Variants in LDLRAD4 observed in about 807,000 individuals in gnomAD.
The protein encoded by LDLRAD4 is low density lipoprotein receptor class A domain containing 4, also known as low-density lipoprotein receptor class A domain-containing protein 4.
Under a neutral mutation model 17.0 loss-of-function variants are expected in LDLRAD4, and 5 were observed. The observed-to-expected ratio is 0.29, with a 90% confidence interval of 0.15 to 0.62. The LOEUF (loss-of-function observed/expected upper bound fraction) is 0.62, where lower values mean the gene tolerates loss of function less well. LDLRAD4 is among the 20% of genes least tolerant of loss of function. The pLI, the probability that LDLRAD4 is intolerant of heterozygous loss-of-function variation, is 0.84. For synonymous variants in LDLRAD4, 168 were observed against 171.8 expected, an observed-to-expected ratio of 0.98 and a Z score of 0.17; for missense variants, 340 against 424.7, an observed-to-expected ratio of 0.80 and a Z score of 1.75.
At chr18:13,548,549 G>T (rs10468691) in intron 3 of LDLRAD4, among the ~76,000 whole-genome samples, 76,364 of 152,170 alleles carry the variant, frequency 0.5, 19,350 homozygotes, top group Non-Finnish European at 0.55. Flanking sequence ...CCTGGGCTCA[G>T]CCACAAGTTT....
chr18:13,276,828 T>G (rs1397231597), upstream of LDLRAD4, among the ~76,000 whole-genome samples: 2 of 152,202 alleles, frequency 1.3e-5, no homozygotes, highest in Non-Finnish European at 2.9e-5. Flanking sequence ...GGGAGGGAGT[T>G]GTACAGGGTG....
chr18:13,622,213 T>A lies in LDLRAD4; in HGVS notation c.336+942T>A. Reference sequence around the variant, plus strand: ...GGTGCAGCTGTCCAGGTGGGTTTCCTGGGGTGGCCGCTGGCCCTGGGACCC... The same window carrying A: ...GGTGCAGCTGTCCAGGTGGGTTTCCAGGGGTGGCCGCTGGCCCTGGGACCC... On this transcript the variant is annotated intron_variant, in intron 4 of 5. Coordinates refer to ENST00000359446, the Ensembl canonical transcript of LDLRAD4. This position sits in a 1 kb window ranked among gnomAD's most constrained non-coding sequence, Gnocchi z 5.3. Among the ~76,000 whole-genome samples the A allele has an allele frequency of 6.6e-6, 1 of 152,068 alleles. No homozygotes were observed. The highest frequency in any genetic ancestry group is 1.9e-4 in the East Asian group (1 of 5,164).
At chr18:13,428,573 T>G (rs1239808956) in intron 2 of LDLRAD4, among the ~76,000 whole-genome samples, 1 of 152,128 alleles carries the variant, frequency 6.6e-6, no homozygotes, top group Non-Finnish European at 1.5e-5. Flanking sequence ...GACTGCTCTC[T>G]TATGAGTAAA....
chr18:13,579,996 T>C (rs1364038713), intron 3 of LDLRAD4, among the ~76,000 whole-genome samples: 5 of 152,162 alleles, frequency 3.3e-5, no homozygotes, highest in Non-Finnish European at 5.9e-5. Context: ...CTTCCTTCCT[T>C]CCTCTAGTTC....
At chr18:13,354,821 A>G (rs1179621108) in intron 1 of LDLRAD4, among the ~76,000 whole-genome samples, 1 of 152,172 alleles carries the variant, frequency 6.6e-6, no homozygotes, top group African/African-American at 2.4e-5. Flanking sequence ...GTGCTGTTAG[A>G]TGAAGATAGA....
At chr18:13,450,000 A>G (rs921090062) in intron 3 of LDLRAD4, among the ~76,000 whole-genome samples, 1 of 152,180 alleles carries the variant, frequency 6.6e-6, no homozygotes, top group African/African-American at 2.4e-5. Context: ...TTTTTGTGGA[A>G]GGACAGCCAA....
chr18:13,306,301 T>C (rs2046909935), intron 1 of LDLRAD4, among the ~76,000 whole-genome samples: 1 of 152,226 alleles, frequency 6.6e-6, no homozygotes, highest in South Asian at 2.1e-4. Flanking sequence ...AGTCTTTTGA[T>C]TGTAGAACAA....
At chr18:13,574,609 C>A (rs1601489984) in intron 3 of LDLRAD4, among the ~76,000 whole-genome samples, 1 of 152,190 alleles carries the variant, frequency 6.6e-6, no homozygotes, top group South Asian at 2.1e-4. Flanking sequence ...TGCCTGAGAG[C>A]CCCCGGCTTT....
chr18:13,295,827 A>G (rs913657950), intron 1 of LDLRAD4, among the ~76,000 whole-genome samples: 1 of 152,348 alleles, frequency 6.6e-6, no homozygotes, highest in Middle Eastern at 3.4e-3. Flanking sequence ...TGTGCTTTTA[A>G]TGTTTGTACA....
intron 3 of LDLRAD4, among the ~76,000 whole-genome samples, chr18:13,492,531 C>G (rs1266349237): frequency 6.6e-6 from 1 of 152,186 alleles, no homozygotes; most frequent in African/African-American, 2.4e-5. Context: ...ACCTTCTTCT[C>G]CAGCCCCGTA....
At chr18:13,233,435 G>A (rs1308252117) in intron 1 of LDLRAD4, among the ~76,000 whole-genome samples, 1 of 152,132 alleles carries the variant, frequency 6.6e-6, no homozygotes, top group Non-Finnish European at 1.5e-5. Flanking sequence ...AAGGAAGCCG[G>A]CACCCTCTTA....
chr18:13,324,428 C>T (rs936781715), intron 1 of LDLRAD4, among the ~76,000 whole-genome samples: 2 of 152,140 alleles, frequency 1.3e-5, no homozygotes, highest in East Asian at 1.9e-4. Flanking sequence ...AGGCATGAGC[C>T]ACCGCGCCTG....
At chr18:13,647,760 T>G (rs937606081) in exon 6 of LDLRAD4, 7 of 152,312 alleles carry the variant, frequency 4.6e-5, no homozygotes, top group African/African-American at 1.7e-4. Flanking sequence ...TGTCAGCTCA[T>G]GCTTACAACC....
chr18:13,223,454 A>C (rs1251748317), intron 1 of LDLRAD4, among the ~76,000 whole-genome samples: 1 of 151,806 alleles, frequency 6.6e-6, no homozygotes, highest in Non-Finnish European at 1.5e-5. Flanking sequence ...TTCCTGGTAC[A>C]CTGCTGGCCT....
chr18:13,522,138 A>C (rs2093962286), intron 3 of LDLRAD4: 3 of 152,144 alleles, frequency 2.0e-5, no homozygotes. Flanking sequence ...GTTTAAGGTG[A>C]TAAATGCTGT....
chr18:13,229,918 C>T (rs962794203), intron 1 of LDLRAD4, among the ~76,000 whole-genome samples: 2 of 152,196 alleles, frequency 1.3e-5, no homozygotes, highest in African/African-American at 4.8e-5. Flanking sequence ...CCTGAGGGCT[C>T]AATGTACTTT....
chr18:13,624,805 C>T (rs972979516), intron 4 of LDLRAD4, among the ~76,000 whole-genome samples: 1 of 152,210 alleles, frequency 6.6e-6, no homozygotes, highest in African/African-American at 2.4e-5. Context: ...CCTGTGCCCC[C>T]TGGCAGAGCC....
chr18:13,329,635 A>AT (rs1317491729), intron 1 of LDLRAD4, among the ~76,000 whole-genome samples: 3 of 152,112 alleles, frequency 2.0e-5, no homozygotes, highest in Non-Finnish European at 4.4e-5. Context: ...TTAGAAAGTC[A>AT]TTTTTTTCAA....
At position 13,458,564 on chromosome 18, in the gene LDLRAD4, T is replaced by A. The variant is rs1195125979; in HGVS notation, c.181+20180T>A. On this transcript the variant is annotated intron_variant, in intron 3 of 5. Transcript: ENST00000359446. ...GTTTTGTCTAATTGCATGAAAGATG[T>A]GGTAGGCAGAATAATGCCCCCCAAC... Among the ~76,000 whole-genome samples, 4 of 152,254 alleles carry A rather than the reference T, an allele frequency of 2.6e-5. No homozygotes were observed. The East Asian group carries it at 7.7e-4, about 29-fold the overall frequency.
Sources: gnomAD v4.1 joint callset for allele counts (sites outside exome capture counted in the v4.1 genomes callset) on GRCh38, gnomAD v4.1.1 for gene constraint, Gnocchi (gnomAD v3.1) non-coding constraint, MANE v1.5 for transcripts, NCBI Gene and HGNC (gene_info 2026-07-23, HGNC 2026-07-21) for gene names.